Variants in ALDH5A1 observed in about 807,000 individuals in gnomAD.
The protein encoded by ALDH5A1 is succinate-semialdehyde dehydrogenase, mitochondrial.
Under a neutral mutation model 54.7 loss-of-function variants are expected in ALDH5A1, and 33 were observed. That is an observed-to-expected ratio of 0.60 (90% confidence interval 0.46 to 0.81). ALDH5A1 has a LOEUF of 0.81. ALDH5A1 is among the 30% of genes least tolerant of loss of function. The probability of loss-of-function intolerance (pLI) is 0.00; values close to 1 mark genes in which losing one functional copy is unlikely to be tolerated. For synonymous variants in ALDH5A1, 294 were observed against 292.7 expected (o/e 1.00, Z -0.05); for missense variants, 657 against 711.0 (o/e 0.92, Z 0.86).
chr6:24,496,113 G>T (rs562820484), intron 1 of ALDH5A1, among the ~76,000 whole-genome samples: 1 of 152,308 alleles, frequency 6.6e-6, no homozygotes, highest in African/African-American at 2.4e-5. Flanking sequence ...CCCTCTGAAG[G>T]AATGCATCCA....
intron 8 of ALDH5A1, among the ~76,000 whole-genome samples, chr6:24,530,704 G>A (rs1392510698): frequency 6.6e-6 from 1 of 152,226 alleles, no homozygotes; most frequent in Non-Finnish European, 1.5e-5. Context: ...GGAATAGGTT[G>A]GGGAGAAGAG....
intron 4 of ALDH5A1, 65 bp from the exon 5 acceptor site, chr6:24,515,102 C>CTTTTTTTTTTTTT: frequency 2.0e-5 from 19 of 927,250 alleles, no homozygotes; most frequent in East Asian, 1.0e-4. Flanking sequence ...TTTCTCTTTT[C>CTTTTTTTTTTTTT]TTTTTTTTTT....
intron 4 of ALDH5A1, among the ~76,000 whole-genome samples, chr6:24,511,652 C>A (rs1306204270): frequency 6.6e-6 from 1 of 151,606 alleles, no homozygotes; most frequent in Non-Finnish European, 1.5e-5. Flanking sequence ...TATAAGTGCA[C>A]CCATTGTTTC....
Position 24,528,043 on chromosome 6 carries a change from T to G in ALDH5A1, c.1220T>G (p.Val407Gly). The part of the protein sequence containing the change: ...NDAVSKGATV[V>G]TGGKRHQLGK... ...GCCGTTTCTAAAGGTGCCACCGTTG[T>G]GACAGGTGGAAAACGACACCAACTT... Residue 407 changes from valine (V) to glycine (G), a missense_variant, in exon 8 of 10, where the codon GTG (valine) becomes GGG (glycine). Coordinates refer to ENST00000357578, the MANE Select transcript of ALDH5A1 (RefSeq NM_001080.3). The G allele has an allele frequency of 6.2e-7, 1 of 1,614,188 alleles. No homozygotes were observed. The highest frequency in any genetic ancestry group is 2.2e-5 in the East Asian group (1 of 44,886).
At chr6:24,514,727 TAAA>T (rs1209586540) in intron 4 of ALDH5A1, among the ~76,000 whole-genome samples, 1 of 144,802 alleles carries the variant, frequency 6.9e-6, no homozygotes, top group Non-Finnish European at 1.5e-5. Flanking sequence ...AAGACTGTCT[TAAA>T]AAAAAAAAAG....
Position 24,536,955 on chromosome 6 carries a change from G to A in ALDH5A1, c.*3243G>A, listed in dbSNP as rs1760062727. ...TTTCCTCTAAAAACTGGATCCTAGT[G>A]TTTTAATTACCTGTGTGCAGCTATT... On this transcript the variant is annotated 3_prime_UTR_variant, in exon 10 of 10. Transcript: ENST00000357578. 1 of 152,586 alleles carries A rather than the reference G, an allele frequency of 6.6e-6. No homozygotes were observed. The highest frequency in any genetic ancestry group is 1.9e-4 in the East Asian group (1 of 5,196). The allele number at this position is 152,586 out of a possible 1,614,324, so 9.5% of individuals were successfully genotyped here. A position where few individuals can be genotyped will look rare whatever the true frequency, so the allele number is the denominator to read the frequency against.
intron 1 of ALDH5A1, among the ~76,000 whole-genome samples, chr6:24,501,008 T>C (rs1351278112): frequency 6.6e-6 from 1 of 152,222 alleles, no homozygotes; most frequent in Non-Finnish European, 1.5e-5. Flanking sequence ...TTTCTACTTC[T>C]AAGTGATGCT....
chr6:24,498,158 C>A (rs1008227562), intron 1 of ALDH5A1, among the ~76,000 whole-genome samples: 1 of 152,140 alleles, frequency 6.6e-6, no homozygotes, highest in Non-Finnish European at 1.5e-5. Flanking sequence ...AATTGAACAG[C>A]ATTAGGGTGA....
At chr6:24,515,445 C>A in intron 5 of ALDH5A1, 135 bp downstream of exon 5, 1 of 1,077,378 alleles carries the variant, frequency 9.3e-7, no homozygotes, top group Non-Finnish European at 1.3e-6. Flanking sequence ...CTGTCGCAGG[C>A]CAAGCACGGC....
rs774041089 is a variant in ALDH5A1 at position 24,504,896 on chromosome 6, C to T, written c.637C>T (p.Arg213Trp). 3.1e-6 allele frequency: 5 copies of T among 1,614,074 alleles called. No individual in the cohort carries two copies. The South Asian group carries it at 3.3e-5, about 11-fold the overall frequency. The change falls in exon 4 of 10, where the codon CGG (arginine) becomes TGG (tryptophan). Residue 213 changes from arginine (R) to tryptophan (W), a missense_variant. Coordinates refer to ENST00000357578, the MANE Select transcript of ALDH5A1 (RefSeq NM_001080.3). ...GAATTTCCCCAGTGCCATGATCACC[C>T]GGAAGGTGGGGGCCGCCCTGGCAGC... Reference protein sequence around the residue: ...PWNFPSAMITRKVGAALAAGC... With the variant: ...PWNFPSAMITWKVGAALAAGC...
intron 5 of ALDH5A1, among the ~76,000 whole-genome samples, chr6:24,517,752 G>C (rs1264858326): frequency 6.6e-6 from 1 of 152,234 alleles, no homozygotes; most frequent in Middle Eastern, 3.2e-3. Flanking sequence ...TATAGCTGAA[G>C]GGATAACTGA....
At chr6:24,505,036 A>G (rs756619845) in intron 4 of ALDH5A1, 51 bp downstream of exon 4, 4 of 1,588,486 alleles carry the variant, frequency 2.5e-6, no homozygotes, top group Admixed American at 1.7e-5. Flanking sequence ...TCAAAAATTG[A>G]TGTTTATCTG....
Position 24,495,140 on chromosome 6 carries a change from T to C in ALDH5A1, c.144T>C (p.Ala48=). The change falls in exon 1 of 10, where the codon GCT becomes GCC. Residue 48 remains alanine (A), a synonymous_variant. Transcript: ENST00000357578. ...GCCCGGCCCAGCTCCGCTGCTACGC[T>C]GGGCGCCTGGCGGGCCTCTCTGCGG... ...APGPAQLRCY[A]GRLAGLSAAL... is the part of the protein sequence containing the mutation. 1.4e-6 allele frequency: 2 copies of C among 1,413,478 alleles called. No homozygotes were observed. The highest frequency in any genetic ancestry group is 1.8e-6 in the Non-Finnish European group (2 of 1,090,932). The allele number at this position is 1,413,478 out of a possible 1,614,324, so 87.6% of individuals were successfully genotyped here.
intron 7 of ALDH5A1, 87 bp from the exon 8 acceptor site, chr6:24,527,910 A>C (rs1358371985): frequency 5.3e-6 from 8 of 1,500,278 alleles, no homozygotes; most frequent in Non-Finnish European, 7.4e-6. Flanking sequence ...AAAGAAAAAA[A>C]AATGGAACTA....
At chr6:24,500,643 T>C (rs944563915) in intron 1 of ALDH5A1, among the ~76,000 whole-genome samples, 2 of 84,324 alleles carry the variant, frequency 2.4e-5, no homozygotes, top group Non-Finnish European at 4.5e-5. Context: ...CAAGACCGTA[T>C]CTAAAATAAT....
In ALDH5A1 at chr6:24,522,855, T is replaced by C; in HGVS notation, c.1103T>C (p.Leu368Pro). 1 of 1,614,076 alleles carries C rather than the reference T, an allele frequency of 6.2e-7. No homozygotes were observed. Among genetic ancestry groups the C allele is most frequent in the South Asian group, 1.1e-5 (1 of 91,078 alleles). The stretch of plus-strand genomic sequence containing the variant: ...TTCGCCGAGGCCATGAAGAAGAACC[T>C]GCGCGTAGGTAATGGATTTGAGGAA... ...KAFAEAMKKN[L>P]RVGNGFEEGT... is the part of the protein sequence containing the mutation. Residue 368 changes from leucine (L) to proline (P), a missense_variant, in exon 7 of 10, where the codon CTG (leucine) becomes CCG (proline). Transcript: ENST00000357578.
At chr6:24,528,919 C>T (rs1407510800) in intron 8 of ALDH5A1, among the ~76,000 whole-genome samples, 4 of 151,842 alleles carry the variant, frequency 2.6e-5, no homozygotes, top group South Asian at 2.1e-4. Flanking sequence ...TCAAGTGATC[C>T]GCCTGCCTCT....
intron 1 of ALDH5A1, among the ~76,000 whole-genome samples, chr6:24,500,347 C>T (rs1334935159): frequency 6.6e-6 from 1 of 152,140 alleles, no homozygotes; most frequent in Non-Finnish European, 1.5e-5. Flanking sequence ...TGGGACAAAT[C>T]CAGGTTGCCA....
Position 24,533,532 on chromosome 6 carries a change from C to T in ALDH5A1, c.1428C>T (p.Ala476=), listed in dbSNP as rs1003592170. 30 of 1,613,984 alleles carry T rather than the reference C, an allele frequency of 1.9e-5. No homozygotes were observed. Among genetic ancestry groups the T allele is most frequent in the African/African-American group, 4.0e-5 (3 of 74,886 alleles). The part of the protein sequence containing the change: ...LAGYFYSQDP[A]QIWRVAEQLE... Reference sequence around the variant, plus strand: ...GTTATTTTTACTCTCAAGACCCAGCCCAGATCTGGAGAGTGGCAGAGCAGC... The same window carrying T: ...GTTATTTTTACTCTCAAGACCCAGCTCAGATCTGGAGAGTGGCAGAGCAGC... The change falls in exon 10 of 10, where the codon GCC becomes GCT. Residue 476 remains alanine (A), a synonymous_variant. Coordinates refer to ENST00000357578, the MANE Select transcript of ALDH5A1 (RefSeq NM_001080.3).
Sources: allele counts gnomAD v4.1 joint callset (sites outside exome capture counted in the v4.1 genomes callset), GRCh38; gene constraint gnomAD v4.1.1; transcripts MANE v1.5; gene names NCBI Gene and HGNC (gene_info 2026-07-23, HGNC 2026-07-21).